The following LARGE1 variants were observed in gnomAD, a reference collection of about 807,000 sequenced individuals.
LARGE1 encodes LARGE xylosyl- and glucuronyltransferase 1, also known as xylosyl- and glucuronyltransferase LARGE1.
In LARGE1, 43 loss-of-function variants were observed where a neutral mutation model predicts 87.6. The ratio of observed to expected loss-of-function variants is 0.49; its 90% CI spans 0.38 to 0.63. The LOEUF is 0.63. LARGE1 is among the 30% of genes least tolerant of loss of function. The probability of loss-of-function intolerance (pLI) is 0.00; values close to 1 mark genes in which losing one functional copy is unlikely to be tolerated. For synonymous variants in LARGE1, 434 were observed against 394.6 expected (o/e 1.10, Z -1.18); for missense variants, 802 against 1,000.2 (o/e 0.80, Z 2.67).
At chr22:33,406,629 C>T (rs1205292102) in intron 7 of LARGE1, among the ~76,000 whole-genome samples, 6 of 152,154 alleles carry the variant, frequency 3.9e-5, no homozygotes, top group African/African-American at 4.8e-5. Flanking sequence ...TCCCATTATC[C>T]GCATTTTCAG....
chr22:33,914,835 T>C (rs1030197568), intron 1 of LARGE1, among the ~76,000 whole-genome samples: 1 of 152,086 alleles, frequency 6.6e-6, no homozygotes, highest in South Asian at 2.1e-4. Context: ...AACACACTAA[T>C]GTATAGAGAC....
At chr22:33,627,801 C>G (rs5999040) in intron 3 of LARGE1, among the ~76,000 whole-genome samples, 2 of 152,152 alleles carry the variant, frequency 1.3e-5, no homozygotes, top group African/African-American at 4.8e-5. Flanking sequence ...ATTCCCAGTA[C>G]GAGAAACTTG....
At chr22:33,379,432 G>A (rs1555907191) in intron 9 of LARGE1, among the ~76,000 whole-genome samples, 1 of 151,752 alleles carries the variant, frequency 6.6e-6, no homozygotes, top group Non-Finnish European at 1.5e-5. Context: ...CCCATGACAG[G>A]CCCCGGTGTG....
At chr22:33,371,177 T>C (rs986661902) in intron 9 of LARGE1, among the ~76,000 whole-genome samples, 5 of 151,544 alleles carry the variant, frequency 3.3e-5, no homozygotes, top group Admixed American at 2.0e-4. Flanking sequence ...AAAAAAAAAC[T>C]CCTAAGAAAT....
intron 6 of LARGE1, among the ~76,000 whole-genome samples, chr22:33,452,376 C>T (rs976813876): frequency 6.6e-6 from 1 of 152,270 alleles, no homozygotes. Context: ...GGAGAAAGGC[C>T]ATTTCCCCTG....
Position 33,572,041 on chromosome 22 carries a change from T to C in LARGE1, c.616-7022A>G, listed in dbSNP as rs1454262487. 3 of 417,660 alleles carry C rather than the reference T, an allele frequency of 7.2e-6. No homozygotes were observed. In the Admixed American group the frequency reaches 1.0e-4, roughly 14 times the overall value. 25.9% of individuals were successfully genotyped at this position (417,660 alleles called of 1,614,324 possible). The stretch of plus-strand genomic sequence containing the variant: ...ATTTTCTCACCTGTAAAAAGGGTAA[T>C]AGTAGTATATCCTGCTTCCTTCCTA... On this transcript the variant is annotated intron_variant, in intron 5 of 14. Coordinates refer to ENST00000397394, the MANE Select transcript of LARGE1 (RefSeq NM_133642.5).
chr22:33,906,133 A>G (rs1175555225), intron 1 of LARGE1, among the ~76,000 whole-genome samples: 1 of 152,140 alleles, frequency 6.6e-6, no homozygotes, highest in African/African-American at 2.4e-5. Context: ...CTGTCTCAAA[A>G]ATAAATAAAT....
chr22:33,341,387 C>T (rs1939128243), intron 9 of LARGE1, among the ~76,000 whole-genome samples: 1 of 152,004 alleles, frequency 6.6e-6, no homozygotes, highest in Admixed American at 6.6e-5. Context: ...ACTGGGTATC[C>T]ACAGCTCAGT....
chr22:33,409,734 G>A (rs554300356), intron 7 of LARGE1, among the ~76,000 whole-genome samples: 7 of 151,922 alleles, frequency 4.6e-5, no homozygotes, highest in African/African-American at 1.2e-4. Context: ...GGTGGCACAC[G>A]CCTTTAGTCC....
intron 11 of LARGE1, among the ~76,000 whole-genome samples, chr22:33,192,990 T>A (rs111725823): frequency 4.4e-5 from 6 of 137,366 alleles, no homozygotes; most frequent in African/African-American, 1.4e-4. Context: ...ATTAACATTT[T>A]GAAGTTGCAT....
chr22:33,174,843 G>A (rs1297770368), intron 11 of LARGE1, among the ~76,000 whole-genome samples: 2 of 152,098 alleles, frequency 1.3e-5, no homozygotes, highest in African/African-American at 4.8e-5. Context: ...AATTGGGGCC[G>A]TAATGAATAG....
At chr22:33,558,134 T>C (rs1023883008) in intron 6 of LARGE1, among the ~76,000 whole-genome samples, 1 of 152,144 alleles carries the variant, frequency 6.6e-6, no homozygotes, top group Non-Finnish European at 1.5e-5. Flanking sequence ...CAGGAGTGAA[T>C]GTGAGATGCG....
chr22:33,139,056 G>T, the LARGE1 span, among the ~76,000 whole-genome samples: 1 of 152,126 alleles, frequency 6.6e-6, no homozygotes, highest in African/African-American at 2.4e-5. Context: ...CTCTTTGCCT[G>T]ATGCCATCCA....
intron 1 of LARGE1, among the ~76,000 whole-genome samples, chr22:33,784,239 T>A (rs1026312899): frequency 3.9e-5 from 6 of 152,314 alleles, no homozygotes; most frequent in Middle Eastern, 3.4e-3. Flanking sequence ...CTGAGCAGTA[T>A]CTTTCTGCAA....
chr22:33,916,294 A>AAAAC (rs757391744), intron 1 of LARGE1, among the ~76,000 whole-genome samples: 2 of 152,012 alleles, frequency 1.3e-5, no homozygotes, highest in African/African-American at 4.8e-5. Flanking sequence ...AAAAAAAGAA[A>AAAAC]AAACAAACAA....
At chr22:33,482,876 A>G (rs1295715016) in intron 6 of LARGE1, among the ~76,000 whole-genome samples, 2 of 152,258 alleles carry the variant, frequency 1.3e-5, no homozygotes, top group Non-Finnish European at 2.9e-5. Context: ...TGGAAATGTC[A>G]AGAGTTTGAG....
chr22:33,553,754 A>G (rs2077596445), intron 6 of LARGE1, among the ~76,000 whole-genome samples: 1 of 152,184 alleles, frequency 6.6e-6, no homozygotes, highest in African/African-American at 2.4e-5. Flanking sequence ...AAGCAACCCC[A>G]AGGAAGGGCC....
intron 2 of LARGE1, among the ~76,000 whole-genome samples, chr22:33,684,972 G>T (rs1368494978): frequency 6.6e-6 from 1 of 152,188 alleles, no homozygotes; most frequent in Non-Finnish European, 1.5e-5. Flanking sequence ...ATTTTCAGGT[G>T]TATGGGGGGT....
intron 2 of LARGE1, among the ~76,000 whole-genome samples, chr22:33,688,513 G>A (rs567769770): frequency 1.3e-5 from 2 of 152,132 alleles, no homozygotes; most frequent in Admixed American, 6.5e-5. Context: ...CATCACGCGC[G>A]GCTAATTTTG....
Sources: gnomAD v4.1 joint callset for allele counts (sites outside exome capture counted in the v4.1 genomes callset) on GRCh38, gnomAD v4.1.1 for gene constraint, MANE v1.5 for transcripts, NCBI Gene and HGNC (gene_info 2026-07-23, HGNC 2026-07-21) for gene names.